Variants in BRINP3 observed in about 807,000 individuals in gnomAD.
BRINP3 encodes BMP/retinoic acid inducible neural specific 3, also known as BMP/retinoic acid-inducible neural-specific protein 3.
In BRINP3, 19 loss-of-function variants were observed where a neutral mutation model predicts 71.0. That is an observed-to-expected ratio of 0.27 (90% CI 0.19 to 0.39). The LOEUF (loss-of-function observed/expected upper bound fraction) is 0.39, where lower values mean the gene tolerates loss of function less well. BRINP3 is among the 10% of genes least tolerant of loss of function. The pLI is 1.00. For missense variants in BRINP3, 959 were observed against 940.8 expected (o/e 1.02, Z -0.25); for synonymous variants, 380 against 337.7 (o/e 1.13, Z -1.37).
chr1:190,233,481 A>G (rs536976506), intron 5 of BRINP3, among the ~76,000 whole-genome samples: 511 of 152,272 alleles, frequency 3.4e-3, no homozygotes, highest in African/African-American at 0.012. Context: ...ACGTGGGGAC[A>G]CTGATACATT....
intron 6 of BRINP3, among the ~76,000 whole-genome samples, chr1:190,161,692 A>T (rs2102462155): frequency 6.6e-6 from 1 of 152,272 alleles, no homozygotes; most frequent in Non-Finnish European, 1.5e-5. Context: ...ATATCTGAAC[A>T]CAAAAGATAG....
intron 4 of BRINP3, among the ~76,000 whole-genome samples, chr1:190,240,622 C>A (rs559610280): frequency 5.9e-5 from 9 of 152,026 alleles, no homozygotes; most frequent in African/African-American, 1.9e-4. Flanking sequence ...GTAATCCCAG[C>A]ACTTTGGGAG....
intron 4 of BRINP3, among the ~76,000 whole-genome samples, chr1:190,262,035 C>T (rs1477103527): frequency 2.6e-5 from 4 of 152,118 alleles, no homozygotes; most frequent in Admixed American, 2.6e-4. Flanking sequence ...AGGGGGACAC[C>T]TTTTACCTGT....
chr1:190,268,550 T>C (rs1198562485), intron 3 of BRINP3, among the ~76,000 whole-genome samples: 1 of 152,112 alleles, frequency 6.6e-6, no homozygotes, highest in Non-Finnish European at 1.5e-5. Flanking sequence ...AATAAATATA[T>C]TAAAATGTAA....
chr1:190,266,108 T>G (rs984209646), intron 3 of BRINP3, among the ~76,000 whole-genome samples: 4 of 152,226 alleles, frequency 2.6e-5, no homozygotes, highest in African/African-American at 9.6e-5. Context: ...ACAAACATAT[T>G]ATCGGATACT....
intron 2 of BRINP3, among the ~76,000 whole-genome samples, chr1:190,348,348 C>T (rs941341629): frequency 6.6e-6 from 1 of 151,992 alleles, no homozygotes; most frequent in African/African-American, 2.4e-5. Context: ...GTGAATTCAA[C>T]CAATAAGTGC....
chr1:190,396,713 G>GATAGATATATATATATATATAT (rs1553310923), intron 2 of BRINP3, among the ~76,000 whole-genome samples: 2 of 101,022 alleles, frequency 2.0e-5, no homozygotes, highest in African/African-American at 7.6e-5. Context: ...CTAATTTAAT[G>GATAGATATATATATATATATAT]ATATATATAT....
chr1:190,330,291 T>A (rs1050469708), intron 2 of BRINP3, among the ~76,000 whole-genome samples: 2 of 151,590 alleles, frequency 1.3e-5, no homozygotes, highest in African/African-American at 4.8e-5. Flanking sequence ...ACAAGTAAAA[T>A]ACAAGTAACC....
chr1:190,189,218 G>T (rs1035628708), intron 6 of BRINP3, among the ~76,000 whole-genome samples: 5 of 152,062 alleles, frequency 3.3e-5, no homozygotes, highest in Admixed American at 1.3e-4. Context: ...AGAAGAATTT[G>T]TATTAATTGT....
chr1:190,477,467 C>G lies in BRINP3; in HGVS notation c.-70G>C. ...ACTTACCAGAGGAAATTTCAGGAAG[C>G]AAGAAGACTGTGAGAAAAATACATC... On this transcript the variant is annotated 5_prime_UTR_variant, in exon 1 of 8. Transcript: ENST00000367462. 1 of 152,104 alleles carries G rather than the reference C, an allele frequency of 6.6e-6. No individual in the cohort carries two copies. Among genetic ancestry groups the G allele is most frequent in the South Asian group, 2.1e-4 (1 of 4,818 alleles). 9.4% of individuals were successfully genotyped at this position (152,104 alleles called of 1,614,324 possible). A position where few individuals can be genotyped will look rare whatever the true frequency, so the allele number is the denominator to read the frequency against.
chr1:190,166,853 A>T (rs1651589486), intron 6 of BRINP3, among the ~76,000 whole-genome samples: 1 of 151,918 alleles, frequency 6.6e-6, no homozygotes, highest in Non-Finnish European at 1.5e-5. Context: ...CCTCCCAAGT[A>T]GCTGGGATTA....
chr1:190,329,731 G>A (rs1055750313), intron 2 of BRINP3, among the ~76,000 whole-genome samples: 4 of 151,884 alleles, frequency 2.6e-5, no homozygotes, highest in Non-Finnish European at 5.9e-5. Context: ...GCGGCATCAC[G>A]TTGCCAAACT....
chr1:190,303,742 T>A (rs1024141285), intron 2 of BRINP3, among the ~76,000 whole-genome samples: 3 of 151,788 alleles, frequency 2.0e-5, no homozygotes, highest in African/African-American at 7.2e-5. Context: ...TACTTTGAAT[T>A]TGGCTCAGTC....
intron 2 of BRINP3, among the ~76,000 whole-genome samples, chr1:190,425,168 A>G (rs1470602949): frequency 2.0e-5 from 3 of 151,742 alleles, no homozygotes; most frequent in Non-Finnish European, 3.0e-5. Flanking sequence ...TTTGAAGGTG[A>G]TATTTTGGAG....
chr1:190,146,186 C>T (rs946641165), intron 7 of BRINP3, among the ~76,000 whole-genome samples: 2 of 152,000 alleles, frequency 1.3e-5, no homozygotes, highest in Non-Finnish European at 2.9e-5. Context: ...ACCACCTGTA[C>T]CCCAAAACTA....
chr1:190,412,441 T>C (rs1012716345), intron 2 of BRINP3, among the ~76,000 whole-genome samples: 2 of 140,164 alleles, frequency 1.4e-5, no homozygotes, highest in African/African-American at 5.2e-5. Context: ...TGTAGTACTT[T>C]TTTTGTTTTG....
rs869097577 is a variant in BRINP3, at chr1:190,464,146, TAA to T, written c.-50-9208_-50-9207del. On this transcript the variant is annotated intron_variant, in intron 1 of 7. Coordinates refer to ENST00000367462, the MANE Select transcript of BRINP3 (RefSeq NM_199051.3). ...ACGTCTTTCAAAAAGTGTTTTTTTT[TAA>T]AAAAAAAAGTAAACTAAAAGTTAGT... Among the ~76,000 whole-genome samples, 501 of 149,512 alleles carry T rather than the reference TAA, an allele frequency of 3.4e-3. 3 individuals are homozygous for T. Among genetic ancestry groups the T allele is most frequent in the African/African-American group, 0.01 (409 of 40,874 alleles).
At chr1:190,253,303 C>A (rs1660322857) in intron 4 of BRINP3, among the ~76,000 whole-genome samples, 1 of 152,206 alleles carries the variant, frequency 6.6e-6, no homozygotes, top group East Asian at 1.9e-4. Flanking sequence ...AATGGGATCA[C>A]TGGCTCAAAT....
At chr1:190,434,917 T>C (rs999107305) in intron 2 of BRINP3, among the ~76,000 whole-genome samples, 4 of 152,168 alleles carry the variant, frequency 2.6e-5, no homozygotes, top group Non-Finnish European at 4.4e-5. Flanking sequence ...TTCTAAATCT[T>C]CTGTTTAATC....
Sources: allele counts gnomAD v4.1 joint callset (sites outside exome capture counted in the v4.1 genomes callset), GRCh38; gene constraint gnomAD v4.1.1; transcripts MANE v1.5; gene names NCBI Gene and HGNC (gene_info 2026-07-23, HGNC 2026-07-21).